LAMB4: variants seen among roughly 807,000 people sequenced by gnomAD.
The protein encoded by LAMB4 is laminin subunit beta 4, also known as laminin subunit beta-4.
Under a neutral mutation model 199.2 loss-of-function variants are expected in LAMB4, and 196 were observed. That is an observed-to-expected ratio of 0.98 (90% CI 0.88 to 1.11). LAMB4 has a LOEUF of 1.11. Among genes scored for constraint, LAMB4 ranks in the 50% least tolerant of loss-of-function variants. The probability of loss-of-function intolerance (pLI) is 0.00; values close to 1 mark genes in which losing one functional copy is unlikely to be tolerated. For synonymous variants in LAMB4, 744 were observed against 770.6 expected (o/e 0.97, Z 0.57); for missense variants, 2,080 against 2,171.2 (o/e 0.96, Z 0.83).
At chr7:108,122,902 A>G (rs1217075836) in intron 2 of LAMB4, among the ~76,000 whole-genome samples, 1 of 152,248 alleles carries the variant, frequency 6.6e-6, no homozygotes, top group East Asian at 1.9e-4. Context: ...TATTTTACTT[A>G]TCTGAAGATA....
the LAMB4 span, among the ~76,000 whole-genome samples, chr7:108,013,665 A>G: frequency 8.5e-5 from 13 of 152,186 alleles, no homozygotes; most frequent in African/African-American, 2.9e-4. Context: ...AAATTGCCCC[A>G]TTCTGGAGGG....
At chr7:108,091,398 G>T (rs1401627240) in intron 14 of LAMB4, among the ~76,000 whole-genome samples, 2 of 152,110 alleles carry the variant, frequency 1.3e-5, no homozygotes, top group Non-Finnish European at 2.9e-5. Flanking sequence ...TCACATTTAT[G>T]GGCCAGATCC....
At chr7:108,043,543 A>ATTT (rs1385299702) in intron 29 of LAMB4, among the ~76,000 whole-genome samples, 2 of 59,694 alleles carry the variant, frequency 3.4e-5, no homozygotes, top group Non-Finnish European at 5.4e-5. Flanking sequence ...ACTGGCTATG[A>ATTT]TGTTTTTTTT....
At chr7:108,111,616 A>G (rs1174637284) in intron 4 of LAMB4, among the ~76,000 whole-genome samples, 195 bp downstream of exon 4, 2 of 152,218 alleles carry the variant, frequency 1.3e-5, no homozygotes, top group African/African-American at 4.8e-5. Context: ...ATACATTTTG[A>G]TTTTCCTGTA....
chr7:108,029,737 C>T (rs1584583755), intron 32 of LAMB4, among the ~76,000 whole-genome samples: 1 of 152,204 alleles, frequency 6.6e-6, no homozygotes, highest in Admixed American at 6.5e-5. Context: ...TGTGGGTTAC[C>T]TTGTGTGTTG....
intron 11 of LAMB4, 51 bp from the exon 12 acceptor site, chr7:108,095,388 G>C: frequency 7.5e-7 from 1 of 1,328,418 alleles, no homozygotes; most frequent in Admixed American, 1.7e-5. Context: ...CTCCACTCTT[G>C]CAAGTGTACT....
At chr7:108,113,124 A>AC (rs1383238419) in intron 3 of LAMB4, among the ~76,000 whole-genome samples, 1 of 151,922 alleles carries the variant, frequency 6.6e-6, no homozygotes, top group African/African-American at 2.4e-5. Context: ...TTCCCTGACT[A>AC]CCCTATTAAA....
chr7:108,106,636 CTTTT>C (rs5886439), intron 6 of LAMB4, 64 bp from the exon 7 acceptor site: 1 of 776,580 alleles, frequency 1.3e-6, no homozygotes, highest in Non-Finnish European at 2.0e-6. Context: ...CAAACACACT[CTTTT>C]TTTTTTTCAA....
chr7:108,049,558 T>C, intron 26 of LAMB4, 27 bp from the exon 27 acceptor site: 1 of 1,371,496 alleles, frequency 7.3e-7, no homozygotes, highest in Non-Finnish European at 1.0e-6. Flanking sequence ...TGAAGTAAGG[T>C]AAATTTTGTG....
At chr7:108,089,149 C>T (rs564463088) in intron 14 of LAMB4, among the ~76,000 whole-genome samples, 1 of 152,074 alleles carries the variant, frequency 6.6e-6, no homozygotes, top group Non-Finnish European at 1.5e-5. Flanking sequence ...CCAATGGACC[C>T]CCTGTATGTA....
the LAMB4 span, among the ~76,000 whole-genome samples, chr7:108,015,183 A>T: frequency 6.6e-5 from 10 of 152,166 alleles, no homozygotes; most frequent in Admixed American, 3.9e-4. Context: ...AATCTTTTCC[A>T]TTCATATTTT....
intron 21 of LAMB4, among the ~76,000 whole-genome samples, chr7:108,065,006 A>G (rs1321034925): frequency 6.6e-6 from 1 of 151,706 alleles, no homozygotes; most frequent in Non-Finnish European, 1.5e-5. Flanking sequence ...CCTGGGCTCA[A>G]GCGATCCTCT....
chr7:108,020,536 A>G (rs1049761865), downstream of LAMB4, among the ~76,000 whole-genome samples: 1 of 151,890 alleles, frequency 6.6e-6, no homozygotes, highest in Admixed American at 6.6e-5. Context: ...AATATTATCA[A>G]TTGACTACAT....
intron 1 of LAMB4, among the ~76,000 whole-genome samples, chr7:108,126,088 GATAAATGA>G (rs1398574370): frequency 1.3e-5 from 2 of 152,228 alleles, no homozygotes; most frequent in Non-Finnish European, 2.9e-5. Context: ...TATGTGAAGA[GATAAATGA>G]CAGAATCACA....
At chr7:108,099,832 A>G (rs576790761) in intron 10 of LAMB4, among the ~76,000 whole-genome samples, 1 of 152,330 alleles carries the variant, frequency 6.6e-6, no homozygotes, top group African/African-American at 2.4e-5. Flanking sequence ...TTATTGAAGC[A>G]ACTGGTGTTT....
At chr7:108,087,256 T>A (rs1459032084) in intron 14 of LAMB4, among the ~76,000 whole-genome samples, 1 of 152,184 alleles carries the variant, frequency 6.6e-6, no homozygotes, top group Non-Finnish European at 1.5e-5. Context: ...CATGGCTCCT[T>A]CCCACTACAA....
chr7:108,067,891 T>C (rs1458246462), intron 19 of LAMB4, 125 bp downstream of exon 19: 1 of 1,144,072 alleles, frequency 8.7e-7, no homozygotes, highest in Non-Finnish European at 1.3e-6. Context: ...TGTACATAGA[T>C]AGTCTGAATA....
At chr7:108,037,874 CA>C (rs2035285509) in intron 29 of LAMB4, among the ~76,000 whole-genome samples, 1 of 152,172 alleles carries the variant, frequency 6.6e-6, no homozygotes, top group African/African-American at 2.4e-5. Flanking sequence ...GTGTATTCTA[CA>C]AAATGTCCTG....
intron 14 of LAMB4, among the ~76,000 whole-genome samples, chr7:108,083,458 G>C (rs1251096026): frequency 6.6e-6 from 1 of 152,148 alleles, no homozygotes; most frequent in Non-Finnish European, 1.5e-5. Context: ...ATTCACCAAG[G>C]TGGGAAAACG....
Sources: gnomAD v4.1 joint callset for allele counts (sites outside exome capture counted in the v4.1 genomes callset) on GRCh38, gnomAD v4.1.1 for gene constraint, MANE v1.5 for transcripts, NCBI Gene and HGNC (gene_info 2026-07-23, HGNC 2026-07-21) for gene names.